The following ARL15 variants were observed in gnomAD, a reference collection of about 807,000 sequenced individuals.
ARL15 encodes ARF like GTPase 15, also known as ADP-ribosylation factor-like protein 15.
ARL15 carries 19 observed loss-of-function variants against 25.2 expected under a neutral mutation model. The ratio of observed to expected loss-of-function variants is 0.75; its 90% CI spans 0.53 to 1.10. The LOEUF is 1.10. ARL15 is among the 50% of genes least tolerant of loss of function. ARL15 has a pLI of 0.00. For synonymous variants in ARL15, 94 were observed against 86.8 expected (o/e 1.08, Z -0.46); for missense variants, 220 against 246.0 (o/e 0.89, Z 0.71).
intron 4 of ARL15, among the ~76,000 whole-genome samples, chr5:54,110,686 T>A (rs1752714641): frequency 6.6e-6 from 1 of 152,038 alleles, no homozygotes; most frequent in Non-Finnish European, 1.5e-5. Context: ...GTGCAACACC[T>A]TTAGGAAAGA....
At chr5:54,162,467 T>C (rs972625414) in intron 2 of ARL15, among the ~76,000 whole-genome samples, 1 of 152,188 alleles carries the variant, frequency 6.6e-6, no homozygotes, top group African/African-American at 2.4e-5. Flanking sequence ...CCTTCTCTTA[T>C]CAGCGCCTCT....
intron 4 of ARL15, among the ~76,000 whole-genome samples, chr5:54,076,788 G>A (rs1171986477): frequency 5.3e-5 from 6 of 112,808 alleles, no homozygotes; most frequent in African/African-American, 1.0e-4. Flanking sequence ...CAATGTAGGA[G>A]TGCTTTTTTT....
chr5:54,034,761 C>G (rs529085032), intron 4 of ARL15, among the ~76,000 whole-genome samples: 1 of 152,202 alleles, frequency 6.6e-6, no homozygotes, highest in South Asian at 2.1e-4. Context: ...TGGGCTCAAG[C>G]AATCTTCGCA....
At chr5:54,109,698 T>G (rs939285956) in intron 4 of ARL15, among the ~76,000 whole-genome samples, 8 of 151,980 alleles carry the variant, frequency 5.3e-5, no homozygotes, top group African/African-American at 1.7e-4. Flanking sequence ...AAGATTTCTC[T>G]CATTTTATAG....
chr5:54,191,011 G>A (rs1374010121), intron 1 of ARL15, among the ~76,000 whole-genome samples: 2 of 152,172 alleles, frequency 1.3e-5, no homozygotes, highest in Non-Finnish European at 2.9e-5. Context: ...GTACACTCAT[G>A]TTCATAGCAA....
At chr5:53,925,647 T>G (rs901473619) in intron 4 of ARL15, among the ~76,000 whole-genome samples, 2 of 152,088 alleles carry the variant, frequency 1.3e-5, no homozygotes, top group South Asian at 4.2e-4. Context: ...GTATTATATA[T>G]ATGTTATTTT....
At chr5:54,102,873 C>T (rs1409458819) in intron 4 of ARL15, among the ~76,000 whole-genome samples, 1 of 152,118 alleles carries the variant, frequency 6.6e-6, no homozygotes, top group African/African-American at 2.4e-5. Flanking sequence ...TATGTGACTT[C>T]TAAATTACTT....
At chr5:54,088,991 G>T (rs440325) in intron 4 of ARL15, among the ~76,000 whole-genome samples, 12,351 of 152,206 alleles carry the variant, frequency 0.081, 580 homozygotes, top group South Asian at 0.11. Context: ...AAGAACAACA[G>T]TCATATGGAG....
chr5:54,079,041 A>C (rs1751704609), intron 4 of ARL15, among the ~76,000 whole-genome samples: 1 of 152,222 alleles, frequency 6.6e-6, no homozygotes, highest in African/African-American at 2.4e-5. Flanking sequence ...ATTTTTAAAA[A>C]GTAAACGATA....
At chr5:54,024,482 T>C (rs917771301) in intron 4 of ARL15, among the ~76,000 whole-genome samples, 3 of 152,306 alleles carry the variant, frequency 2.0e-5, no homozygotes, top group African/African-American at 7.2e-5. Flanking sequence ...AAGACACAAT[T>C]TTAAAATTAA....
At chr5:54,029,542 ATAAAG>A (rs1749906261) in intron 4 of ARL15, among the ~76,000 whole-genome samples, 1 of 152,170 alleles carries the variant, frequency 6.6e-6, no homozygotes, top group Non-Finnish European at 1.5e-5. Context: ...TCAGTAAAAT[ATAAAG>A]TATTCATATT....
chr5:54,099,038 G>C (rs374065251), intron 4 of ARL15, among the ~76,000 whole-genome samples: 15 of 152,228 alleles, frequency 9.9e-5, no homozygotes, highest in African/African-American at 3.6e-4. Context: ...TGTCAATCAC[G>C]TTAGGAGCAC....
chr5:54,303,920 T>A (rs1758684441), intron 1 of ARL15, among the ~76,000 whole-genome samples: 1 of 152,136 alleles, frequency 6.6e-6, no homozygotes, highest in South Asian at 2.1e-4. Context: ...CCTCAGTGGC[T>A]ATGACCAGGG....
chr5:54,105,081 C>T (rs960785214), intron 4 of ARL15, among the ~76,000 whole-genome samples: 2 of 151,252 alleles, frequency 1.3e-5, no homozygotes, highest in East Asian at 1.9e-4. Flanking sequence ...ATAACTAACG[C>T]TTATTGTGCT....
At chr5:53,918,860 T>A (rs1459843753) in intron 4 of ARL15, among the ~76,000 whole-genome samples, 1 of 151,554 alleles carries the variant, frequency 6.6e-6, no homozygotes, top group Non-Finnish European at 1.5e-5. Context: ...TTTTCGAAGG[T>A]CCATTAAACT....
chr5:53,931,026 CA>C (rs1746180862), intron 4 of ARL15, among the ~76,000 whole-genome samples: 1 of 152,092 alleles, frequency 6.6e-6, no homozygotes, highest in African/African-American at 2.4e-5. Flanking sequence ...ATGCCTTCAT[CA>C]ATCATAAATG....
intron 4 of ARL15, among the ~76,000 whole-genome samples, chr5:53,955,779 T>C (rs2066538147): frequency 6.6e-6 from 1 of 152,218 alleles, no homozygotes; most frequent in Non-Finnish European, 1.5e-5. Flanking sequence ...TGTGGGACCC[T>C]GGCGCCTGGT....
intron 4 of ARL15, among the ~76,000 whole-genome samples, chr5:53,947,057 A>T (rs1426254195): frequency 6.6e-6 from 1 of 152,086 alleles, no homozygotes; most frequent in Non-Finnish European, 1.5e-5. Context: ...GCCAATTGCC[A>T]GTTGTGTTAA....
intron 3 of ARL15, among the ~76,000 whole-genome samples, chr5:54,142,766 GA>G (rs908474302): frequency 7.5e-4 from 113 of 151,194 alleles, no homozygotes; most frequent in Non-Finnish European, 4.0e-4. Flanking sequence ...TACTGGAAGT[GA>G]AAAAAAAATC....
Sources: gnomAD v4.1 joint callset for allele counts (sites outside exome capture counted in the v4.1 genomes callset) on GRCh38, gnomAD v4.1.1 for gene constraint, MANE v1.5 for transcripts, NCBI Gene and HGNC (gene_info 2026-07-23, HGNC 2026-07-21) for gene names.